The following IL1RL2 variants were observed in gnomAD, a reference collection of about 807,000 sequenced individuals.
IL1RL2 encodes interleukin 1 receptor like 2, also known as interleukin-1 receptor-like 2.
In IL1RL2, 68 loss-of-function variants were observed where a neutral mutation model predicts 66.8. The ratio of observed to expected loss-of-function variants is 1.02; its 90% confidence interval spans 0.84 to 1.25. The LOEUF is 1.25. Among genes scored for constraint, IL1RL2 ranks in the 50% most tolerant of loss-of-function variants. The pLI is 0.00. For synonymous variants in IL1RL2, 305 were observed against 264.6 expected (o/e 1.15, Z -1.48); for missense variants, 729 against 709.3 (o/e 1.03, Z -0.32).
chr2:102,235,169 A>G lies in IL1RL2; in HGVS notation c.1570A>G (p.Met524Val). ...GGACTTCACGGAGCAGTCACAGTGT[A>G]TGAAGACCAAGTTTTGGAAGACAGT... Reference protein sequence around the residue: ...HGDFTEQSQCMKTKFWKTVRY... With the variant: ...HGDFTEQSQCVKTKFWKTVRY... Residue 524 changes from methionine (M) to valine (V), a missense_variant, in exon 11 of 12, where the codon ATG (methionine) becomes GTG (valine). By Grantham distance (21) the Met-to-Val change is conservative. Transcript: ENST00000264257. The G allele has an allele frequency of 1.9e-6, 3 of 1,614,214 alleles. No individual in the cohort carries two copies. The highest frequency in any genetic ancestry group is 1.6e-4 in the Middle Eastern group (1 of 6,062).
chr2:102,203,458 G>C (rs994267548), intron 5 of IL1RL2, among the ~76,000 whole-genome samples: 6 of 151,928 alleles, frequency 3.9e-5, no homozygotes, highest in Admixed American at 2.0e-4. Flanking sequence ...AGTTTGAGCA[G>C]GATTGGTATT....
chr2:102,196,647 T>C (rs1037193196), intron 4 of IL1RL2, among the ~76,000 whole-genome samples: 1 of 152,194 alleles, frequency 6.6e-6, no homozygotes, highest in East Asian at 1.9e-4. Flanking sequence ...GGAATGTCCA[T>C]GGCTATGCTT....
At chr2:102,234,836 G>A (rs1674709853) in intron 10 of IL1RL2, 61 bp from the exon 11 acceptor site, 1 of 1,433,490 alleles carries the variant, frequency 7.0e-7, no homozygotes. Flanking sequence ...ATTCTCACTA[G>A]CATTAAGACC....
At chr2:102,212,275 C>T in intron 6 of IL1RL2, 101 bp downstream of exon 6, 2 of 817,162 alleles carry the variant, frequency 2.4e-6, no homozygotes, top group South Asian at 1.6e-5. Context: ...AAGATAAATC[C>T]TATACACACC....
chr2:102,220,909 G>A (rs1051217819), intron 8 of IL1RL2, among the ~76,000 whole-genome samples: 1 of 152,192 alleles, frequency 6.6e-6, no homozygotes, highest in Admixed American at 6.5e-5. Context: ...GGCCTCCTAA[G>A]TGCCCGTTAC....
chr2:102,195,623 T>C (rs202089755), intron 4 of IL1RL2, among the ~76,000 whole-genome samples: 137 of 13,638 alleles, frequency 0.01, 1 homozygote, highest in Middle Eastern at 0.033. Flanking sequence ...CTTTCTTTCT[T>C]TCTTTCTCTC....
At chr2:102,204,538 T>C (rs1688538518) in intron 5 of IL1RL2, among the ~76,000 whole-genome samples, 1 of 152,134 alleles carries the variant, frequency 6.6e-6, no homozygotes, top group African/African-American at 2.4e-5. Context: ...GCTCCAATAA[T>C]ATTTGTTTTT....
intron 2 of IL1RL2, among the ~76,000 whole-genome samples, chr2:102,188,656 C>T (rs1578077745): frequency 7.4e-6 from 1 of 134,720 alleles, no homozygotes; most frequent in Non-Finnish European, 1.6e-5. Flanking sequence ...TTTTCTTAAA[C>T]AATCGTTTTG....
At chr2:102,218,795 G>A (rs1689837545) in intron 6 of IL1RL2, among the ~76,000 whole-genome samples, 158 bp from the exon 7 acceptor site, 1 of 152,146 alleles carries the variant, frequency 6.6e-6, no homozygotes. Context: ...TCTCTCCAGG[G>A]AAAGAAAAAA....
At chr2:102,233,183 T>C in intron 10 of IL1RL2, 59 bp downstream of exon 10, 1 of 1,507,092 alleles carries the variant, frequency 6.6e-7, no homozygotes, top group Non-Finnish European at 9.1e-7. Flanking sequence ...ACCCCTCTGT[T>C]CCTCCACTTT....
At chr2:102,195,887 G>C (rs1221646355) in intron 4 of IL1RL2, among the ~76,000 whole-genome samples, 1 of 150,982 alleles carries the variant, frequency 6.6e-6, no homozygotes, top group African/African-American at 2.4e-5. Flanking sequence ...CTAATTTTTG[G>C]TATTTTTACT....
At chr2:102,228,950 A>G (rs1690885020) in intron 9 of IL1RL2, among the ~76,000 whole-genome samples, 1 of 151,842 alleles carries the variant, frequency 6.6e-6, no homozygotes, top group Non-Finnish European at 1.5e-5. Flanking sequence ...CAACTTTCCC[A>G]TGGTAAATGT....
chr2:102,192,840 A>C (rs561012569), intron 4 of IL1RL2, among the ~76,000 whole-genome samples: 1 of 152,094 alleles, frequency 6.6e-6, no homozygotes, highest in Non-Finnish European at 1.5e-5. Context: ...CTATTGATTC[A>C]ATTTCTTTAA....
chr2:102,207,746 G>T (rs73947309), intron 5 of IL1RL2, among the ~76,000 whole-genome samples: 1 of 152,156 alleles, frequency 6.6e-6, no homozygotes, highest in African/African-American at 2.4e-5. Flanking sequence ...CCCTAGATGG[G>T]AATACTGAGG....
At chr2:102,201,349 A>G (rs1006407059) in intron 4 of IL1RL2, among the ~76,000 whole-genome samples, 2 of 152,118 alleles carry the variant, frequency 1.3e-5, no homozygotes, top group Non-Finnish European at 2.9e-5. Flanking sequence ...ACACACACAC[A>G]TATATACACA....
downstream of IL1RL2, among the ~76,000 whole-genome samples, chr2:102,241,587 A>G (rs1675233062): frequency 6.6e-6 from 1 of 152,258 alleles, no homozygotes; most frequent in South Asian, 2.1e-4. Flanking sequence ...AAATGTGTGT[A>G]ACATCACAAA....
chr2:102,229,887 A>G (rs1690966049), intron 9 of IL1RL2, among the ~76,000 whole-genome samples: 1 of 152,230 alleles, frequency 6.6e-6, no homozygotes, highest in Non-Finnish European at 1.5e-5. Context: ...ATATCCTCAG[A>G]CACCTTGTTT....
chr2:102,241,267 G>A (rs1341359654), downstream of IL1RL2, among the ~76,000 whole-genome samples: 1 of 152,218 alleles, frequency 6.6e-6, no homozygotes, highest in Non-Finnish European at 1.5e-5. Context: ...CTGTCCAAGG[G>A]TGGTGAGTGG....
At chr2:102,221,231 C>T (rs2041752) in intron 8 of IL1RL2, among the ~76,000 whole-genome samples, 42,620 of 152,044 alleles carry the variant, frequency 0.28, 6,607 homozygotes, top group East Asian at 0.38. Context: ...TTTGCCATCT[C>T]TCTCTCTCTG....
Sources: allele counts gnomAD v4.1 joint callset (sites outside exome capture counted in the v4.1 genomes callset), GRCh38; gene constraint gnomAD v4.1.1; transcripts MANE v1.5; gene names NCBI Gene and HGNC (gene_info 2026-07-23, HGNC 2026-07-21).